RBM25: variants seen among roughly 807,000 people sequenced by gnomAD.
RBM25 encodes RNA binding motif protein 25, also known as RNA-binding protein 25.
Under a neutral mutation model 120.7 loss-of-function variants are expected in RBM25, and 19 were observed. The observed-to-expected ratio is 0.16, with a 90% CI of 0.11 to 0.23. RBM25 has a LOEUF of 0.23. Among genes scored for constraint, RBM25 ranks in the 10% least tolerant of loss-of-function variants. The probability of loss-of-function intolerance (pLI) is 1.00; values close to 1 mark genes in which losing one functional copy is unlikely to be tolerated. For synonymous variants in RBM25, 390 were observed against 326.7 expected (o/e 1.19, Z -2.09); for missense variants, 605 against 1,041.5 (o/e 0.58, Z 5.77).
chr14:73,120,486 A>T lies in RBM25; in HGVS notation c.*681A>T, dbSNP rs1199191371. Reference sequence around the variant, plus strand: ...TATAATTAGGTTATTAGTTTCCCAGAGCATGGTGTTCTCGTGTCGTGAGCA... The same window carrying T: ...TATAATTAGGTTATTAGTTTCCCAGTGCATGGTGTTCTCGTGTCGTGAGCA... On this transcript the variant is annotated 3_prime_UTR_variant, in exon 19 of 19. Transcript: ENST00000261973. 2.0e-5 allele frequency: 3 copies of T among 152,610 alleles called. No individual in the cohort carries two copies. The highest frequency in any genetic ancestry group is 2.0e-4 in the Admixed American group (3 of 15,280). The allele number at this position is 152,610 out of a possible 1,614,324, so 9.5% of individuals were successfully genotyped here. A position where few individuals can be genotyped will look rare whatever the true frequency, so the allele number is the denominator to read the frequency against.
chr14:73,098,612 C>G (rs537305944), intron 7 of RBM25, among the ~76,000 whole-genome samples: 1 of 152,010 alleles, frequency 6.6e-6, no homozygotes, highest in East Asian at 1.9e-4. Context: ...TGTGTTTCCT[C>G]GTTTGGTCAT....
At chr14:73,079,079 A>G (rs1265580779) in intron 4 of RBM25, among the ~76,000 whole-genome samples, 2 of 136,522 alleles carry the variant, frequency 1.5e-5, no homozygotes, top group African/African-American at 2.5e-5. Context: ...TTAAGATTTT[A>G]TCTTGATGAT....
intron 14 of RBM25, among the ~76,000 whole-genome samples, chr14:73,109,860 C>G (rs1322948679): frequency 6.6e-6 from 1 of 151,980 alleles, no homozygotes; most frequent in Non-Finnish European, 1.5e-5. Flanking sequence ...GCCACCTCGC[C>G]TGGCTAATTT....
intron 7 of RBM25, 94 bp downstream of exon 7, chr14:73,097,194 T>TTTTTA: frequency 2.4e-6 from 1 of 416,116 alleles, no homozygotes. Flanking sequence ...CTTTTTTCTT[T>TTTTTA]TCTTTTTTTT....
intron 3 of RBM25, among the ~76,000 whole-genome samples, chr14:73,076,838 G>A (rs959122068): frequency 1.3e-5 from 2 of 152,214 alleles, no homozygotes; most frequent in Non-Finnish European, 2.9e-5. Flanking sequence ...AATTTTAAAT[G>A]TTCAAGACAT....
intron 1 of RBM25, among the ~76,000 whole-genome samples, chr14:73,064,168 A>C (rs1373613044): frequency 6.6e-6 from 1 of 151,368 alleles, no homozygotes; most frequent in Non-Finnish European, 1.5e-5. Context: ...TTTTCTACAA[A>C]GTACATACCA....
chr14:73,086,008 T>TTGTTATCTGGTA (rs1378785449), intron 5 of RBM25, among the ~76,000 whole-genome samples: 3 of 151,998 alleles, frequency 2.0e-5, no homozygotes, highest in Non-Finnish European at 4.4e-5. Flanking sequence ...CTGAACACCT[T>TTGTTATCTGGTA]TGACAGCTGC....
At chr14:73,106,799 A>T (rs1381469285) in intron 12 of RBM25, among the ~76,000 whole-genome samples, 1 of 151,972 alleles carries the variant, frequency 6.6e-6, no homozygotes, top group East Asian at 1.9e-4. Context: ...AACCATATAC[A>T]TATACACATA....
At chr14:73,068,120 A>T in intron 1 of RBM25, 1 of 747,946 alleles carries the variant, frequency 1.3e-6, no homozygotes, top group South Asian at 1.5e-5. Flanking sequence ...GTTCACAGAC[A>T]GAACTGGAAG....
intron 2 of RBM25, among the ~76,000 whole-genome samples, chr14:73,072,621 C>T (rs1895322377): frequency 6.6e-6 from 1 of 152,088 alleles, no homozygotes; most frequent in South Asian, 2.1e-4. Context: ...CATGGAGAAT[C>T]CACATTTGAG....
chr14:73,109,172 A>C (rs974715628), intron 13 of RBM25, 170 bp from the exon 14 acceptor site: 1 of 591,538 alleles, frequency 1.7e-6, no homozygotes, highest in Non-Finnish European at 3.0e-6. Context: ...TTATACATTT[A>C]CATGTAGAGA....
intron 6 of RBM25, among the ~76,000 whole-genome samples, chr14:73,090,233 T>C (rs1005393090): frequency 4.6e-5 from 7 of 152,194 alleles, no homozygotes; most frequent in African/African-American, 1.7e-4. Flanking sequence ...ATGTTTTTAG[T>C]AGAGGTGGGA....
In RBM25 at chr14:73,105,940, G is replaced by A; in HGVS notation, c.1236G>A (p.Glu412=). ...AACGAGAGCGAGAACGAGAACGGGA[G>A]CGAGAGAGAGAGCGAGAGAGGGAAC... The part of the protein sequence containing the change: ...ERERERERER[E]RERERERERE... Residue 412 remains glutamate (E), a synonymous_variant, in exon 11 of 19, where the codon GAG becomes GAA. Transcript: ENST00000261973. The A allele has an allele frequency of 3.1e-6, 5 of 1,612,640 alleles. No homozygotes were observed. Among genetic ancestry groups the A allele is most frequent in the South Asian group, 2.2e-5 (2 of 90,944 alleles).
intron 4 of RBM25, among the ~76,000 whole-genome samples, chr14:73,082,994 C>T (rs952421250): frequency 1.3e-5 from 2 of 151,840 alleles, no homozygotes; most frequent in South Asian, 2.1e-4. Context: ...GCAGAAGAAT[C>T]GCTTGAATCT....
At chr14:73,099,477 T>G in intron 8 of RBM25, 44 bp downstream of exon 8, 1 of 1,595,520 alleles carries the variant, frequency 6.3e-7, no homozygotes, top group Non-Finnish European at 8.6e-7. Context: ...TGTTTACTGC[T>G]GATTGTTGAT....
At chr14:73,066,133 G>T (rs1355674553) in intron 1 of RBM25, among the ~76,000 whole-genome samples, 1 of 152,170 alleles carries the variant, frequency 6.6e-6, no homozygotes, top group Non-Finnish European at 1.5e-5. Context: ...TAATAGAAGA[G>T]CTTCTGTAAG....
chr14:73,067,097 T>C (rs992159260), intron 1 of RBM25, among the ~76,000 whole-genome samples: 1 of 148,504 alleles, frequency 6.7e-6, no homozygotes, highest in African/African-American at 2.4e-5. Context: ...TGATGTGGAT[T>C]CTTGCTCTGT....
chr14:73,083,474 TG>T lies in RBM25; in HGVS notation c.325-19del. On this transcript the variant is annotated intron_variant, in intron 4 of 18. Transcript: ENST00000261973. Reference sequence around the variant, plus strand: ...TTTTGTTAAATGGTAGCAATCTGTTTGTTTTGTTTTCTTTTTAAGAAATGTG... The same window carrying T: ...TTTTGTTAAATGGTAGCAATCTGTTTTTTTGTTTTCTTTTTAAGAAATGTG... 1 of 1,549,344 alleles carries T rather than the reference TG, an allele frequency of 6.5e-7. No individual in the cohort carries two copies. The highest frequency in any genetic ancestry group is 8.7e-7 in the Non-Finnish European group (1 of 1,154,184).
At chr14:73,069,825 CTTTCTTTTTTTTTTTTTTTT>C (rs1895237727) in intron 1 of RBM25, 1 of 64,960 alleles carries the variant, frequency 1.5e-5, no homozygotes, top group Non-Finnish European at 3.1e-5. Context: ...AAATTTTTTT[CTTTCTTTTTTTTTTTTTTTT>C]GAGACAGGGT....
Sources: gnomAD v4.1 joint callset for allele counts (sites outside exome capture counted in the v4.1 genomes callset) on GRCh38, gnomAD v4.1.1 for gene constraint, MANE v1.5 for transcripts, NCBI Gene and HGNC (gene_info 2026-07-23, HGNC 2026-07-21) for gene names.